Variants in SLIT3 observed in about 807,000 individuals in gnomAD.
SLIT3 encodes slit guidance ligand 3.
SLIT3 carries 68 observed loss-of-function variants against 184.0 expected under a neutral mutation model. That is an observed-to-expected ratio of 0.37 (90% CI 0.30 to 0.45). The LOEUF is 0.45. Among genes scored for constraint, SLIT3 ranks in the 20% least tolerant of loss-of-function variants. The probability of loss-of-function intolerance (pLI) is 1.00; values close to 1 mark genes in which losing one functional copy is unlikely to be tolerated. For synonymous variants in SLIT3, 831 were observed against 828.6 expected (o/e 1.00, Z -0.05); for missense variants, 1,707 against 2,026.0 (o/e 0.84, Z 3.02).
intron 3 of SLIT3, among the ~76,000 whole-genome samples, chr5:169,202,915 C>T (rs536362449): frequency 1.4e-4 from 21 of 151,932 alleles, no homozygotes; most frequent in African/African-American, 5.1e-4. Context: ...TACATAATGG[C>T]CTGAGCCTGC....
chr5:168,728,303 C>G (rs927532340), intron 20 of SLIT3, among the ~76,000 whole-genome samples: 9 of 119,688 alleles, frequency 7.5e-5, no homozygotes, highest in African/African-American at 2.5e-4. Context: ...TATATATATC[C>G]TCAGAGAAAA....
intron 4 of SLIT3, among the ~76,000 whole-genome samples, chr5:169,051,161 G>A (rs1757801122): frequency 6.6e-6 from 1 of 152,098 alleles, no homozygotes; most frequent in Non-Finnish European, 1.5e-5. Flanking sequence ...AACCGGAAAG[G>A]AAAAGGAAAT....
At chr5:168,986,908 C>G (rs186653168) in intron 4 of SLIT3, among the ~76,000 whole-genome samples, 1 of 152,164 alleles carries the variant, frequency 6.6e-6, no homozygotes, top group African/African-American at 2.4e-5. Context: ...TTTAGCCGGG[C>G]GTGGTGGCAC....
chr5:169,181,370 C>T (rs535733113), intron 4 of SLIT3, among the ~76,000 whole-genome samples: 1 of 152,122 alleles, frequency 6.6e-6, no homozygotes, highest in Non-Finnish European at 1.5e-5. Context: ...AGGAAGAAGA[C>T]TATTAGAGCA....
At chr5:169,225,946 T>C (rs1385598667) in intron 3 of SLIT3, among the ~76,000 whole-genome samples, 3 of 151,986 alleles carry the variant, frequency 2.0e-5, no homozygotes, top group Admixed American at 6.5e-5. Flanking sequence ...GGGGCCAGAG[T>C]GGAAGCAGAC....
intron 4 of SLIT3, among the ~76,000 whole-genome samples, chr5:168,918,649 C>CT (rs959459594): frequency 1.3e-5 from 2 of 152,184 alleles, no homozygotes; most frequent in Non-Finnish European, 2.9e-5. Context: ...TATGGCCTCC[C>CT]TAAGCATCAA....
chr5:168,993,472 T>C (rs1755401284), intron 4 of SLIT3, among the ~76,000 whole-genome samples: 2 of 152,112 alleles, frequency 1.3e-5, no homozygotes, highest in Non-Finnish European at 2.9e-5. Context: ...GACAACAAGG[T>C]ATTAGGAAGT....
intron 4 of SLIT3, among the ~76,000 whole-genome samples, chr5:169,153,341 T>C (rs775419376): frequency 1.4e-5 from 2 of 147,690 alleles, no homozygotes; most frequent in Non-Finnish European, 3.0e-5. Flanking sequence ...AATTCACAAC[T>C]GCCATGTGCA....
chr5:168,696,225 AG>A (rs1762059918), intron 28 of SLIT3, 66 bp downstream of exon 28: 1 of 1,575,986 alleles, frequency 6.3e-7, no homozygotes, highest in Admixed American at 1.7e-5. Flanking sequence ...CCCTGGAGGA[AG>A]TTAAGAAAAT....
chr5:169,198,975 CAT>C (rs938131007), intron 3 of SLIT3, among the ~76,000 whole-genome samples: 17 of 139,378 alleles, frequency 1.2e-4, no homozygotes, highest in South Asian at 4.6e-4. Flanking sequence ...CACACACACA[CAT>C]ATGTGTGTAT....
At chr5:168,768,316 G>T in intron 14 of SLIT3, 3 of 468,530 alleles carry the variant, frequency 6.4e-6, no homozygotes, top group South Asian at 4.6e-5. Flanking sequence ...GAAGCAGCGT[G>T]GAGAAGCGGA....
At chr5:168,678,871 T>C (rs1330311764) in intron 32 of SLIT3, among the ~76,000 whole-genome samples, 1 of 152,086 alleles carries the variant, frequency 6.6e-6, no homozygotes, top group Non-Finnish European at 1.5e-5. Flanking sequence ...CCTGGAGAGA[T>C]ATTTAAGGAT....
chr5:168,936,525 G>T (rs573250187), intron 4 of SLIT3, among the ~76,000 whole-genome samples: 1 of 152,140 alleles, frequency 6.6e-6, no homozygotes, highest in African/African-American at 2.4e-5. Context: ...GAGCCACCGC[G>T]CCTGGTAGCT....
intron 4 of SLIT3, among the ~76,000 whole-genome samples, chr5:169,092,309 C>G (rs1159988527): frequency 6.6e-6 from 1 of 152,180 alleles, no homozygotes; most frequent in South Asian, 2.1e-4. Flanking sequence ...GTGGCCATTG[C>G]TAGGGACCAA....
chr5:168,828,473 A>G (rs577697140), intron 6 of SLIT3, among the ~76,000 whole-genome samples: 1 of 152,168 alleles, frequency 6.6e-6, no homozygotes, highest in Non-Finnish European at 1.5e-5. Context: ...TCTACCAAAA[A>G]AATGAAAAAT....
chr5:169,189,628 G>A (rs1179531412), intron 4 of SLIT3, among the ~76,000 whole-genome samples: 4 of 144,048 alleles, frequency 2.8e-5, no homozygotes, highest in African/African-American at 1.0e-4. Context: ...TAAAATAAGA[G>A]CATTGATTGA....
At position 169,124,547 on chromosome 5, in the gene SLIT3, C is replaced by T. The variant is rs1314264562; in HGVS notation, c.413+68932G>A. On this transcript the variant is annotated intron_variant, in intron 4 of 35. Coordinates refer to ENST00000519560, the MANE Select transcript of SLIT3 (RefSeq NM_003062.4). Reference sequence around the variant, plus strand: ...TTCTAAACTAGGTGCTGGTGCAGTGCTCTACACAGCAACTCTAGAGAGAAG... The same window carrying T: ...TTCTAAACTAGGTGCTGGTGCAGTGTTCTACACAGCAACTCTAGAGAGAAG... Among the ~76,000 whole-genome samples, 4 of 151,644 alleles carry T rather than the reference C, an allele frequency of 2.6e-5. No homozygotes were observed. The East Asian group carries it at 7.8e-4, about 29-fold the overall frequency.
chr5:168,891,270 GCA>G (rs1412134629), intron 4 of SLIT3, among the ~76,000 whole-genome samples: 4 of 152,184 alleles, frequency 2.6e-5, no homozygotes, highest in Non-Finnish European at 4.4e-5. Context: ...ATAGGCAGAG[GCA>G]CAGGAGAAGG....
intron 4 of SLIT3, among the ~76,000 whole-genome samples, chr5:168,908,007 G>GAGAGAGAGAGAGAGAGA (rs1761135025): frequency 1.5e-5 from 2 of 136,784 alleles, no homozygotes; most frequent in African/African-American, 5.4e-5. Context: ...GAGAGAGAGA[G>GAGAGAGAGAGAGAGAGA]GTGGGGGGTT....
Sources: gnomAD v4.1 joint callset for allele counts (sites outside exome capture counted in the v4.1 genomes callset) on GRCh38, gnomAD v4.1.1 for gene constraint, MANE v1.5 for transcripts, NCBI Gene and HGNC (gene_info 2026-07-23, HGNC 2026-07-21) for gene names.